Variants in AGTPBP1 observed in about 807,000 individuals in gnomAD.
AGTPBP1 encodes ATP/GTP binding carboxypeptidase 1, also known as cytosolic carboxypeptidase 1.
AGTPBP1 carries 70 observed loss-of-function variants against 143.9 expected under a neutral mutation model. The ratio of observed to expected loss-of-function variants is 0.49; its 90% CI spans 0.40 to 0.59. AGTPBP1 has a LOEUF of 0.59. Ranked by LOEUF, AGTPBP1 falls within the 20% of genes least tolerant of loss-of-function variation. AGTPBP1 has a pLI of 0.00. For missense variants in AGTPBP1, 1,229 were observed against 1,464.5 expected (o/e 0.84, Z 2.62); for synonymous variants, 463 against 500.2 (o/e 0.93, Z 0.99).
chr9:85,758,448 C>A, the AGTPBP1 span, among the ~76,000 whole-genome samples: 1 of 152,250 alleles, frequency 6.6e-6, no homozygotes, highest in East Asian at 1.9e-4. Flanking sequence ...CGTTCGAAAC[C>A]AGCCTGACCA....
Position 85,692,792 on chromosome 9 carries a change from G to A in AGTPBP1, c.54C>T (p.Ile18=), listed in dbSNP as rs142829279. 36 of 1,613,624 alleles carry A rather than the reference G, an allele frequency of 2.2e-5. 1 individual carries two copies. Among genetic ancestry groups the A allele is most frequent in the South Asian group, 7.7e-5 (7 of 91,040 alleles). Residue 18 remains isoleucine, a synonymous_variant, in exon 3 of 26, where the codon ATC becomes ATT. Transcript: ENST00000357081. ...TCTCCAGTTGAGCCAGGAGTCCTAC[G>A]ATCCTAGAATTATTGGTAAGGCTAA... ...PEKSLTNNSR[I]VGLLAQLEKI...
At chr9:85,564,294 A>G (rs1444697436) in intron 25 of AGTPBP1, among the ~76,000 whole-genome samples, 2 of 152,264 alleles carry the variant, frequency 1.3e-5, no homozygotes. Context: ...GGACATGCTC[A>G]AGAATTGTCA....
chr9:85,744,217 A>T (rs1824557029), upstream of AGTPBP1, among the ~76,000 whole-genome samples: 1 of 152,044 alleles, frequency 6.6e-6, no homozygotes. Context: ...AGGCATTAAT[A>T]CCACACCCAC....
intron 10 of AGTPBP1, among the ~76,000 whole-genome samples, 173 bp downstream of exon 10, chr9:85,657,262 C>A (rs564502048): frequency 6.6e-6 from 1 of 150,540 alleles, no homozygotes; most frequent in Non-Finnish European, 1.5e-5. Context: ...TTTCCTCCAA[C>A]TCAGCCTGAG....
chr9:85,748,430 T>A, the AGTPBP1 span, among the ~76,000 whole-genome samples: 14 of 152,324 alleles, frequency 9.2e-5, no homozygotes, highest in African/African-American at 2.9e-4. Context: ...TTTCCGTGGC[T>A]GCAATTAAAC....
intron 25 of AGTPBP1, among the ~76,000 whole-genome samples, chr9:85,558,639 G>A (rs1393330857): frequency 6.6e-6 from 1 of 151,918 alleles, no homozygotes; most frequent in East Asian, 1.9e-4. Context: ...TTTGAGCCAA[G>A]GTCTCATTCT....
Position 85,632,955 on chromosome 9 carries a change from C to G in AGTPBP1, c.1722G>C (p.Met574Ile). ...CAAACAGAACATTTCCACAAGTAGC[C>G]ATGTGTGGACATGCTTTAGCACAGG... ...VLTCAKACPH[M>I]ATCGNVLFEG... Residue 574 changes from methionine to isoleucine, a missense_variant, in exon 14 of 26, where the codon ATG becomes ATC. Physicochemically the swap from Met to Ile is conservative, Grantham distance 10. Around this residue, in one of 2 missense-constraint regions of AGTPBP1, gnomAD observed 743 missense variants for 812.2 expected, o/e 0.91. Coordinates refer to ENST00000357081, the MANE Select transcript of AGTPBP1 (RefSeq NM_001330701.2). 1 of 1,614,090 alleles carries G rather than the reference C, an allele frequency of 6.2e-7. No individual in the cohort carries two copies. The highest frequency in any genetic ancestry group is 1.1e-5 in the South Asian group (1 of 91,078).
intron 25 of AGTPBP1, among the ~76,000 whole-genome samples, chr9:85,551,509 T>G (rs1354173429): frequency 6.6e-6 from 1 of 152,224 alleles, no homozygotes. Flanking sequence ...GATCAAGAAC[T>G]GTGACTTACC....
At chr9:85,697,696 C>G (rs928125286) in intron 2 of AGTPBP1, among the ~76,000 whole-genome samples, 4 of 152,010 alleles carry the variant, frequency 2.6e-5, no homozygotes, top group African/African-American at 9.7e-5. Context: ...TCGTGATCCG[C>G]CCGCCTCAGC....
intron 23 of AGTPBP1, 150 bp downstream of exon 23, chr9:85,585,313 T>A: frequency 1.3e-6 from 1 of 764,746 alleles, no homozygotes; most frequent in Non-Finnish European, 1.8e-6. Context: ...ATGAAAAATA[T>A]AAACATGAAA....
chr9:85,582,097 CA>C (rs1828301878), intron 23 of AGTPBP1, among the ~76,000 whole-genome samples: 1 of 152,072 alleles, frequency 6.6e-6, no homozygotes, highest in African/African-American at 2.4e-5. Flanking sequence ...AGAAAAGTTG[CA>C]AAAACAGTAC....
At chr9:85,696,452 G>A (rs1371400396) in intron 2 of AGTPBP1, among the ~76,000 whole-genome samples, 1 of 152,062 alleles carries the variant, frequency 6.6e-6, no homozygotes, top group African/African-American at 2.4e-5. Flanking sequence ...CAGATCGCTT[G>A]AGGTCGAGAG....
Position 85,736,998 on chromosome 9 carries a change from C to T in AGTPBP1, c.-34+4777G>A, listed in dbSNP as rs183250004. On this transcript the variant is annotated intron_variant, in intron 1 of 25. Coordinates refer to ENST00000357081, the MANE Select transcript of AGTPBP1 (RefSeq NM_001330701.2). ...GTAGGCGCCTGTAGTCCCAGCTACT[C>T]GGGAGGCTGAGGCAGGAGAATGGCG... Among the ~76,000 whole-genome samples the T allele has an allele frequency of 5.9e-5, 9 of 152,158 alleles. No individual in the cohort carries two copies. In the East Asian group the frequency reaches 1.2e-3, roughly 20 times the overall value.
chr9:85,676,959 C>CT (rs1834865496), intron 6 of AGTPBP1, among the ~76,000 whole-genome samples: 1 of 152,076 alleles, frequency 6.6e-6, no homozygotes, highest in African/African-American at 2.4e-5. Context: ...TCAATGTTCT[C>CT]TTTCATATGC....
intron 11 of AGTPBP1, among the ~76,000 whole-genome samples, chr9:85,647,420 A>C (rs1368587172): frequency 6.6e-6 from 1 of 152,252 alleles, no homozygotes; most frequent in Admixed American, 6.5e-5. Context: ...TAAAGAGCAG[A>C]AAGGAGTAAA....
At chr9:85,731,647 G>C (rs1838888720) in intron 1 of AGTPBP1, among the ~76,000 whole-genome samples, 1 of 152,036 alleles carries the variant, frequency 6.6e-6, no homozygotes, top group African/African-American at 2.4e-5. Flanking sequence ...ACCGGGTCTT[G>C]TCATATTGCC....
At chr9:85,744,658 T>C (rs911624562), upstream of AGTPBP1, among the ~76,000 whole-genome samples, 15 of 152,162 alleles carry the variant, frequency 9.9e-5, no homozygotes, top group African/African-American at 3.6e-4. Flanking sequence ...TGGGGCCAGG[T>C]TCCCTATTTG....
intron 17 of AGTPBP1, among the ~76,000 whole-genome samples, chr9:85,609,911 T>C (rs1033620001): frequency 1.3e-5 from 2 of 152,116 alleles, no homozygotes; most frequent in Non-Finnish European, 2.9e-5. Context: ...TCAAAGTACC[T>C]CAATGTATAA....
At chr9:85,748,614 T>C in the AGTPBP1 span, among the ~76,000 whole-genome samples, 1 of 152,230 alleles carries the variant, frequency 6.6e-6, no homozygotes, top group Non-Finnish European at 1.5e-5. Flanking sequence ...CCTTACATGA[T>C]ATATCAGTTG....
Sources: gnomAD v4.1 joint callset for allele counts (sites outside exome capture counted in the v4.1 genomes callset) on GRCh38, gnomAD v4.1.1 for gene constraint, gnomAD v4.1.1 regional missense constraint, MANE v1.5 for transcripts, NCBI Gene and HGNC (gene_info 2026-07-23, HGNC 2026-07-21) for gene names.